The following BTBD9 variants were observed in gnomAD, a reference collection of about 807,000 sequenced individuals.
The protein encoded by BTBD9 is BTB/POZ domain-containing protein 9.
In BTBD9, 49 loss-of-function variants were observed where a neutral mutation model predicts 64.3. That is an observed-to-expected ratio of 0.76 (90% CI 0.61 to 0.97). The LOEUF is 0.97. BTBD9 is among the 50% of genes least tolerant of loss of function. BTBD9 has a pLI of 0.00. For missense variants in BTBD9, 598 were observed against 762.1 expected, an observed-to-expected ratio of 0.78 and a Z score of 2.53; for synonymous variants, 260 against 274.7, an observed-to-expected ratio of 0.95 and a Z score of 0.53.
chr6:38,466,473 A>G (rs1471268215), intron 6 of BTBD9, among the ~76,000 whole-genome samples: 2 of 151,644 alleles, frequency 1.3e-5, no homozygotes, highest in East Asian at 3.9e-4. Context: ...GCATTTTTTT[A>G]GTAGAGACGG....
intron 7 of BTBD9, among the ~76,000 whole-genome samples, chr6:38,308,716 C>T (rs1442192715): frequency 6.6e-6 from 1 of 152,068 alleles, no homozygotes; most frequent in Non-Finnish European, 1.5e-5. Context: ...GGTGATCCTC[C>T]CACCTCAGCC....
chr6:38,327,126 G>C (rs1227746350), intron 7 of BTBD9, among the ~76,000 whole-genome samples: 1 of 152,106 alleles, frequency 6.6e-6, no homozygotes, highest in Non-Finnish European at 1.5e-5. Context: ...CACAGGTAAT[G>C]TTGTGATTTT....
intron 8 of BTBD9, among the ~76,000 whole-genome samples, chr6:38,285,911 A>T (rs1459952256): frequency 1.3e-5 from 2 of 152,238 alleles, no homozygotes; most frequent in Non-Finnish European, 2.9e-5. Context: ...GATAGGTTGT[A>T]ATGGAAAATA....
At chr6:38,356,651 T>G (rs1421742622) in intron 6 of BTBD9, among the ~76,000 whole-genome samples, 1 of 152,198 alleles carries the variant, frequency 6.6e-6, no homozygotes, top group Non-Finnish European at 1.5e-5. Flanking sequence ...TCAGATTAGT[T>G]TCCTCACATG....
chr6:38,516,571 A>G (rs1032539980), intron 6 of BTBD9, among the ~76,000 whole-genome samples: 1 of 152,206 alleles, frequency 6.6e-6, no homozygotes, highest in Non-Finnish European at 1.5e-5. Flanking sequence ...AAGAGCATTC[A>G]GTAGGTGACA....
chr6:38,377,654 A>G (rs532142885), intron 6 of BTBD9, among the ~76,000 whole-genome samples: 6 of 152,276 alleles, frequency 3.9e-5, no homozygotes, highest in African/African-American at 1.2e-4. Flanking sequence ...ACTCACTTTA[A>G]TAACTCTGGA....
chr6:38,616,947 A>C (rs1777811745), intron 1 of BTBD9, among the ~76,000 whole-genome samples: 1 of 152,140 alleles, frequency 6.6e-6, no homozygotes, highest in Non-Finnish European at 1.5e-5. Context: ...CAAACTCCGG[A>C]CACATCTTGG....
chr6:38,446,588 G>C (rs1034899207), intron 6 of BTBD9, among the ~76,000 whole-genome samples: 1 of 152,106 alleles, frequency 6.6e-6, no homozygotes, highest in Non-Finnish European at 1.5e-5. Flanking sequence ...TTGTTTCATG[G>C]AACGACCCTA....
At chr6:38,607,391 T>A in intron 1 of BTBD9, among the ~76,000 whole-genome samples, 1 of 152,352 alleles carries the variant, frequency 6.6e-6, no homozygotes, top group Middle Eastern at 3.4e-3. Flanking sequence ...TATGTTCATA[T>A]GTGGAGCTTT....
At chr6:38,583,161 G>A (rs769664352) in intron 4 of BTBD9, among the ~76,000 whole-genome samples, 2 of 152,194 alleles carry the variant, frequency 1.3e-5, no homozygotes, top group Non-Finnish European at 2.9e-5. Context: ...TGTTGCTGCT[G>A]ATCCCTGGAA....
At chr6:38,257,596 G>C (rs1764637995) in intron 8 of BTBD9, among the ~76,000 whole-genome samples, 1 of 152,094 alleles carries the variant, frequency 6.6e-6, no homozygotes, top group South Asian at 2.1e-4. Context: ...TTTTTACATA[G>C]CTGTAGTAGG....
At chr6:38,628,745 C>G (rs1778258098) in intron 1 of BTBD9, among the ~76,000 whole-genome samples, 1 of 152,110 alleles carries the variant, frequency 6.6e-6, no homozygotes, top group African/African-American at 2.4e-5. Flanking sequence ...CACACACACG[C>G]ACATGCAACC....
chr6:38,217,318 CAAAAAAAA>C (rs3047754), intron 9 of BTBD9, among the ~76,000 whole-genome samples: 7 of 69,266 alleles, frequency 1.0e-4, no homozygotes, highest in Admixed American at 3.8e-4. Flanking sequence ...GACTCCATCT[CAAAAAAAA>C]AAAAAAAAAA....
intron 6 of BTBD9, among the ~76,000 whole-genome samples, chr6:38,364,896 T>G (rs1414046561): frequency 6.6e-6 from 1 of 152,164 alleles, no homozygotes; most frequent in Non-Finnish European, 1.5e-5. Flanking sequence ...CTTCTGGAGA[T>G]CCTCAAAATC....
chr6:38,501,547 C>T (rs10947739), intron 6 of BTBD9, among the ~76,000 whole-genome samples: 39,937 of 151,944 alleles, frequency 0.26, 5,963 homozygotes, highest in East Asian at 0.53. Context: ...CACTGCAGTC[C>T]CTGCCAATTT....
intron 1 of BTBD9, among the ~76,000 whole-genome samples, chr6:38,605,226 TA>T (rs1488009078): frequency 5.9e-5 from 9 of 152,048 alleles, no homozygotes; most frequent in African/African-American, 2.2e-4. Context: ...TTTGTATTTT[TA>T]GTAGAGACGG....
intron 9 of BTBD9, among the ~76,000 whole-genome samples, chr6:38,238,651 T>G (rs1299684067): frequency 6.6e-6 from 1 of 152,010 alleles, no homozygotes; most frequent in African/African-American, 2.4e-5. Context: ...TTTTTTGTAT[T>G]TTTAGTAGAG....
At chr6:38,243,214 G>A (rs918633505) in intron 9 of BTBD9, among the ~76,000 whole-genome samples, 4 of 152,208 alleles carry the variant, frequency 2.6e-5, no homozygotes, top group Admixed American at 6.5e-5. Flanking sequence ...AGAAAGTCTG[G>A]TTAGAGTCAG....
At chr6:38,247,233 A>G (rs563739145) in intron 9 of BTBD9, among the ~76,000 whole-genome samples, 1 of 152,128 alleles carries the variant, frequency 6.6e-6, no homozygotes, top group East Asian at 1.9e-4. Context: ...TATACTTTGG[A>G]AGACTTTACT....
Sources: gnomAD v4.1 joint callset for allele counts (sites outside exome capture counted in the v4.1 genomes callset) on GRCh38, gnomAD v4.1.1 for gene constraint, MANE v1.5 for transcripts, NCBI Gene and HGNC (gene_info 2026-07-23, HGNC 2026-07-21) for gene names.